The following LRRTM4 variants were observed in gnomAD, a reference collection of about 807,000 sequenced individuals.
The protein encoded by LRRTM4 is leucine-rich repeat transmembrane neuronal protein 4.
LRRTM4 carries 25 observed loss-of-function variants against 47.6 expected under a neutral mutation model. The ratio of observed to expected loss-of-function variants is 0.53; its 90% CI spans 0.38 to 0.73. The LOEUF is 0.73. Ranked by LOEUF, LRRTM4 falls within the 30% of genes least tolerant of loss-of-function variation. LRRTM4 has a pLI of 0.00. For synonymous variants in LRRTM4, 311 were observed against 269.5 expected (o/e 1.15, Z -1.51); for missense variants, 638 against 713.4 (o/e 0.89, Z 1.20).
intron 3 of LRRTM4, among the ~76,000 whole-genome samples, chr2:76,779,384 G>C (rs1268272766): frequency 6.6e-6 from 1 of 150,958 alleles, no homozygotes; most frequent in Non-Finnish European, 1.5e-5. Flanking sequence ...CATTATTAAT[G>C]TATGGGAGTC....
Position 77,052,532 on chromosome 2 carries a change from A to T in LRRTM4, c.1552-303616T>A, listed in dbSNP as rs1464325535. On this transcript the variant is annotated intron_variant, in intron 3 of 3. Transcript: ENST00000409884. ...AAAAGTGACCATTAAGGGCCATGTT[A>T]CTCATCTAATAAGTTAAAGTCTCCT... Among the ~76,000 whole-genome samples, 4 of 151,914 alleles carry T rather than the reference A, an allele frequency of 2.6e-5. No individual in the cohort carries two copies. The East Asian group carries it at 7.8e-4, about 30-fold the overall frequency.
In LRRTM4 at chr2:77,459,690, C is replaced by T. The variant is rs553000356; in HGVS notation, c.1551+58628G>A. ...AATAACTTTCAGTAAAACAAGAGAC[C>T]GAAAAGTAGTTATTTTTTCATGATT... On this transcript the variant is annotated intron_variant, in intron 3 of 3. Coordinates refer to ENST00000409884, the MANE Select transcript of LRRTM4 (RefSeq NM_001134745.3). 3.4e-4 allele frequency among the ~76,000 whole-genome samples: 51 copies of T among 149,884 alleles called. No homozygotes were observed. The South Asian group carries it at 8.8e-3, about 26-fold the overall frequency.
intron 3 of LRRTM4, among the ~76,000 whole-genome samples, chr2:76,807,437 C>CATATATATACATATATATATATACATAT (rs1558667459): frequency 2.9e-5 from 1 of 34,302 alleles, no homozygotes; most frequent in African/African-American, 1.6e-4. Context: ...TATATATATA[C>CATATATATACATATATATATATACATAT]GTATATACAT....
intron 3 of LRRTM4, among the ~76,000 whole-genome samples, chr2:76,854,252 T>C (rs1672082802): frequency 1.3e-5 from 2 of 152,292 alleles, no homozygotes; most frequent in South Asian, 4.1e-4. Context: ...ATGATAAGTA[T>C]GGGCAAATGA....
At chr2:77,296,028 ATC>A (rs1461649033) in intron 3 of LRRTM4, among the ~76,000 whole-genome samples, 1 of 152,188 alleles carries the variant, frequency 6.6e-6, no homozygotes, top group Admixed American at 6.6e-5. Context: ...TACAGCAAAT[ATC>A]TGAGTAGTTA....
intron 3 of LRRTM4, among the ~76,000 whole-genome samples, chr2:76,790,875 G>A (rs768617259): frequency 6.6e-6 from 1 of 152,124 alleles, no homozygotes; most frequent in Non-Finnish European, 1.5e-5. Flanking sequence ...CAATGATGCT[G>A]TCTGACTGAA....
intron 3 of LRRTM4, among the ~76,000 whole-genome samples, chr2:76,833,279 T>C (rs1056941863): frequency 4.6e-5 from 7 of 152,150 alleles, no homozygotes; most frequent in African/African-American, 1.7e-4. Flanking sequence ...CCGTGACTTA[T>C]CCATCTATAT....
chr2:77,243,834 T>C (rs1452454008), intron 3 of LRRTM4, among the ~76,000 whole-genome samples: 1 of 146,106 alleles, frequency 6.8e-6, no homozygotes, highest in Non-Finnish European at 1.5e-5. Context: ...GTTAGTTACA[T>C]ATGTATACAT....
intron 3 of LRRTM4, among the ~76,000 whole-genome samples, chr2:77,174,716 T>G (rs919370575): frequency 2.0e-5 from 3 of 152,252 alleles, no homozygotes; most frequent in African/African-American, 7.2e-5. Flanking sequence ...TACATATGTA[T>G]ACATGTGCCA....
intron 3 of LRRTM4, among the ~76,000 whole-genome samples, chr2:77,178,280 T>C (rs1558620488): frequency 6.6e-6 from 1 of 152,306 alleles, no homozygotes; most frequent in African/African-American, 2.4e-5. Context: ...GAAATAATTC[T>C]GGGTATACAT....
intron 3 of LRRTM4, among the ~76,000 whole-genome samples, chr2:77,139,971 A>C (rs536903046): frequency 1.3e-5 from 2 of 152,316 alleles, no homozygotes; most frequent in East Asian, 3.9e-4. Flanking sequence ...AATGAAATAA[A>C]AGAGGACCCC....
intron 3 of LRRTM4, among the ~76,000 whole-genome samples, chr2:77,244,430 T>A (rs1675372943): frequency 6.6e-6 from 1 of 152,202 alleles, no homozygotes; most frequent in African/African-American, 2.4e-5. Flanking sequence ...TATTTAATGT[T>A]ATTCTAATGT....
intron 3 of LRRTM4, among the ~76,000 whole-genome samples, chr2:77,232,448 T>C (rs1222578711): frequency 6.6e-6 from 1 of 152,230 alleles, no homozygotes; most frequent in African/African-American, 2.4e-5. Context: ...CAGAGCATGA[T>C]ACAAAATATT....
chr2:76,768,839 T>A (rs1305115679), intron 3 of LRRTM4, among the ~76,000 whole-genome samples: 1 of 152,134 alleles, frequency 6.6e-6, no homozygotes, highest in Non-Finnish European at 1.5e-5. Flanking sequence ...AACCGGTAAA[T>A]ATTTCTGAAT....
At chr2:77,301,323 T>C (rs1377372922) in intron 3 of LRRTM4, among the ~76,000 whole-genome samples, 1 of 152,046 alleles carries the variant, frequency 6.6e-6, no homozygotes, top group Non-Finnish European at 1.5e-5. Flanking sequence ...AACAACACCA[T>C]AGTTGATAAA....
At chr2:76,812,799 C>CTCCTCCTCTCCCTCCCCCCCG (rs1670784661) in intron 3 of LRRTM4, among the ~76,000 whole-genome samples, 1 of 91,760 alleles carries the variant, frequency 1.1e-5, no homozygotes, top group Non-Finnish European at 2.0e-5. Context: ...CCTCCCCCCC[C>CTCCTCCTCTCCCTCCCCCCCG]TCCTCCTCCT....
At chr2:76,899,124 A>G (rs1673526864) in intron 3 of LRRTM4, among the ~76,000 whole-genome samples, 1 of 152,058 alleles carries the variant, frequency 6.6e-6, no homozygotes, top group South Asian at 2.1e-4. Flanking sequence ...TGATCAAAAG[A>G]TCAACCTAAA....
intron 3 of LRRTM4, among the ~76,000 whole-genome samples, chr2:76,997,938 G>A (rs1341573689): frequency 2.0e-5 from 3 of 151,878 alleles, no homozygotes; most frequent in African/African-American, 7.2e-5. Context: ...CTCCTTATAA[G>A]AATCTAACGC....
chr2:77,197,514 C>T (rs1347492127), intron 3 of LRRTM4, among the ~76,000 whole-genome samples: 1 of 152,124 alleles, frequency 6.6e-6, no homozygotes, highest in African/African-American at 2.4e-5. Context: ...CATCTTACAA[C>T]TTTCTATTCT....
Sources: allele counts gnomAD v4.1 joint callset (sites outside exome capture counted in the v4.1 genomes callset), GRCh38; gene constraint gnomAD v4.1.1; transcripts MANE v1.5; gene names NCBI Gene and HGNC (gene_info 2026-07-23, HGNC 2026-07-21).